Variants in PC observed in about 807,000 individuals in gnomAD.
PC encodes the protein pyruvate carboxylase.
PC carries 46 observed loss-of-function variants against 107.8 expected under a neutral mutation model. The observed-to-expected ratio is 0.43, with a 90% CI of 0.34 to 0.55. PC has a LOEUF of 0.55. Among genes scored for constraint, PC ranks in the 20% least tolerant of loss-of-function variants. The pLI is 0.04. For synonymous variants in PC, 662 were observed against 684.7 expected (o/e 0.97, Z 0.52); for missense variants, 1,241 against 1,643.1 (o/e 0.76, Z 4.23).
intron 3 of PC, among the ~76,000 whole-genome samples, chr11:66,884,485 G>T (rs1434467186): frequency 6.6e-6 from 1 of 152,124 alleles, no homozygotes; most frequent in Non-Finnish European, 1.5e-5. Flanking sequence ...ATAAAGATTA[G>T]TAAGGCTTGG....
chr11:66,903,571 C>A (rs1776806024), intron 3 of PC, among the ~76,000 whole-genome samples: 1 of 148,466 alleles, frequency 6.7e-6, no homozygotes, highest in Admixed American at 6.7e-5. Flanking sequence ...GAAACCCTGT[C>A]TCTACTAAAA....
At chr11:66,896,201 C>T (rs898119649) in intron 3 of PC, among the ~76,000 whole-genome samples, 1 of 152,126 alleles carries the variant, frequency 6.6e-6, no homozygotes, top group Non-Finnish European at 1.5e-5. Context: ...GCCTCAGCCT[C>T]TCGAGTAGCT....
At position 66,871,682 on chromosome 11, in the gene PC, C is replaced by T. The variant is rs200766019; in HGVS notation, c.321+5G>A. 1,392 of 1,564,770 alleles carry T rather than the reference C, an allele frequency of 8.9e-4. 16 individuals carry two copies. Among genetic ancestry groups the T allele is most frequent in the Non-Finnish European group, 1.1e-4 (131 of 1,154,630 alleles). ...GTCCAGGCCCAGCCAGGCCACTGGG[C>T]TCACCTTGGCCACCTTGATGATGTC... On this transcript the variant is annotated splice_donor_5th_base_variant and intron_variant, in intron 5 of 22. Transcript: ENST00000393960. This position sits in a 1 kb window ranked among gnomAD's most constrained non-coding sequence, Gnocchi z 7.4.
intron 3 of PC, among the ~76,000 whole-genome samples, chr11:66,878,861 G>T (rs1947080237): frequency 6.6e-6 from 1 of 152,190 alleles, no homozygotes; most frequent in Admixed American, 6.5e-5. Flanking sequence ...CTCCTCTGGG[G>T]CACAGCCCAG....
At position 66,858,528 on chromosome 11, in the gene PC, G is replaced by T; in HGVS notation, c.1369-5145C>A. ...CCTGGAAACGTGCGCCTCCCCGCCCGGCCTGGCCGGCCGCTACTTCTGGGC... is the reference window on the plus strand; with the variant it reads ...CCTGGAAACGTGCGCCTCCCCGCCCTGCCTGGCCGGCCGCTACTTCTGGGC... On this transcript the variant is annotated intron_variant, in intron 12 of 22. Transcript: ENST00000393960. This position sits in a 1 kb window ranked among gnomAD's most constrained non-coding sequence, Gnocchi z 5.9. 6.5e-7 allele frequency: 1 copy of T among 1,533,748 alleles called. No individual in the cohort carries two copies. The highest frequency in any genetic ancestry group is 2.0e-5 in the Admixed American group (1 of 50,822).
intron 3 of PC, among the ~76,000 whole-genome samples, chr11:66,946,069 G>C (rs1456431178): frequency 6.8e-6 from 1 of 147,998 alleles, no homozygotes; most frequent in South Asian, 2.1e-4. Flanking sequence ...GTCCGGCCTG[G>C]GCGACAGAGC....
At chr11:66,873,476 AATATATAATATT>A (rs1946840050) in intron 3 of PC, among the ~76,000 whole-genome samples, 1 of 77,420 alleles carries the variant, frequency 1.3e-5, no homozygotes, top group Middle Eastern at 4.4e-3. Context: ...TATATAATAT[AATATATAATATT>A]ATATATATTA....
rs1323532939 is a variant in PC, at chr11:66,866,613, G to T, written c.1023-264C>A. ...TGAAATACCAGGACCACCTGCTCCT[G>T]CATTCCTGACTCACGGTGCCGTCCA... On this transcript the variant is annotated intron_variant, in intron 10 of 22. Coordinates refer to ENST00000393960, the MANE Select transcript of PC (RefSeq NM_001040716.2). This position sits in a 1 kb window ranked among gnomAD's most constrained non-coding sequence, Gnocchi z 5.4. Among the ~76,000 whole-genome samples, 1 of 152,166 alleles carries T rather than the reference G, an allele frequency of 6.6e-6. No individual in the cohort carries two copies. Among genetic ancestry groups the T allele is most frequent in the Non-Finnish European group, 1.5e-5 (1 of 68,024 alleles).
chr11:66,956,041 G>A (rs1949553621), intron 1 of PC, among the ~76,000 whole-genome samples: 1 of 152,010 alleles, frequency 6.6e-6, no homozygotes. Context: ...CCAAAGTGCT[G>A]GGATTACAGG....
intron 3 of PC, among the ~76,000 whole-genome samples, chr11:66,878,971 C>T (rs564381737): frequency 6.6e-6 from 1 of 152,222 alleles, no homozygotes; most frequent in Non-Finnish European, 1.5e-5. Context: ...GTTCCACCAG[C>T]CCACCCTAAG....
chr11:66,872,344 A>G (rs1234925099), intron 3 of PC, among the ~76,000 whole-genome samples, 185 bp from the exon 4 acceptor site: 1 of 152,094 alleles, frequency 6.6e-6, no homozygotes, highest in Non-Finnish European at 1.5e-5. Flanking sequence ...CCCCAAATGG[A>G]ACCCCCAGCT....
intron 21 of PC, 41 bp downstream of exon 21, chr11:66,849,570 G>A (rs1362399450): frequency 6.2e-7 from 1 of 1,613,720 alleles, no homozygotes; most frequent in Non-Finnish European, 8.5e-7. Context: ...TCTGGGGCAG[G>A]GGGCCAGGGT....
intron 3 of PC, among the ~76,000 whole-genome samples, chr11:66,876,847 A>G (rs1374568198): frequency 6.6e-6 from 1 of 152,234 alleles, no homozygotes; most frequent in African/African-American, 2.4e-5. Context: ...GGGCAAAGTC[A>G]GGAAGAGGCG....
intron 3 of PC, among the ~76,000 whole-genome samples, chr11:66,886,608 G>A (rs1410937269): frequency 6.6e-6 from 1 of 152,126 alleles, no homozygotes; most frequent in African/African-American, 2.4e-5. Flanking sequence ...ACTGTGCCAA[G>A]AAATACTTAG....
chr11:66,910,153 G>A (rs762116240), intron 3 of PC, among the ~76,000 whole-genome samples: 12 of 152,144 alleles, frequency 7.9e-5, no homozygotes, highest in South Asian at 2.1e-4. Flanking sequence ...AAGGTTATGC[G>A]CTGCTGCCCT....
chr11:66,898,449 G>A (rs1380394678), intron 3 of PC, among the ~76,000 whole-genome samples: 1 of 152,174 alleles, frequency 6.6e-6, no homozygotes, highest in Non-Finnish European at 1.5e-5. Flanking sequence ...GAAGGCTGAG[G>A]TGGGCAGATC....
At position 66,858,599 on chromosome 11, in the gene PC, C is replaced by T; in HGVS notation, c.1368+5175G>A. On this transcript the variant is annotated intron_variant, in intron 12 of 22. Transcript: ENST00000393960. The surrounding 1 kb of genome is among the most constrained non-coding windows in gnomAD (Gnocchi z 5.9). ...CCTGTGAGCCGCCCCTCATTGCCCGCCACACGCAGCGCCTCTGGGTGCTGG... is the reference window on the plus strand; with the variant it reads ...CCTGTGAGCCGCCCCTCATTGCCCGTCACACGCAGCGCCTCTGGGTGCTGG... 1 of 1,534,702 alleles carries T rather than the reference C, an allele frequency of 6.5e-7. No homozygotes were observed. Among genetic ancestry groups the T allele is most frequent in the Non-Finnish European group, 8.7e-7 (1 of 1,144,220 alleles).
chr11:66,953,392 A>G (rs535366334), intron 2 of PC, among the ~76,000 whole-genome samples: 26 of 152,170 alleles, frequency 1.7e-4, no homozygotes, highest in Admixed American at 5.2e-4. Context: ...TATTTCCTCA[A>G]ATCCTTTCCT....
At chr11:66,869,027 TCAGGA>T in intron 9 of PC, 63 bp from the exon 10 acceptor site, 1 of 1,250,504 alleles carries the variant, frequency 8.0e-7, no homozygotes, top group African/African-American at 1.5e-5. Flanking sequence ...CTCACTGGAC[TCAGGA>T]CAGGGATTCC....
Sources: allele counts gnomAD v4.1 joint callset (sites outside exome capture counted in the v4.1 genomes callset), GRCh38; gene constraint gnomAD v4.1.1; non-coding constraint Gnocchi (gnomAD v3.1); transcripts MANE v1.5; gene names NCBI Gene and HGNC (gene_info 2026-07-23, HGNC 2026-07-21).